Variants in RP1 observed in about 807,000 individuals in gnomAD.
RP1 encodes the protein oxygen-regulated protein 1.
In RP1, 16 loss-of-function variants were observed where a neutral mutation model predicts 14.8. That is an observed-to-expected ratio of 1.08 (90% CI 0.73 to 1.65). The LOEUF is 1.65. Among genes scored for constraint, RP1 ranks in the 40% most tolerant of loss-of-function variants. RP1 has a pLI of 0.00. For missense variants in RP1, 2,631 were observed against 2,535.0 expected (o/e 1.04, Z -0.81); for synonymous variants, 876 against 883.6 (o/e 0.99, Z 0.15).
At chr8:54,581,809 G>C (rs1804798073) in intron 1 of RP1, among the ~76,000 whole-genome samples, 1 of 152,180 alleles carries the variant, frequency 6.6e-6, no homozygotes, top group Admixed American at 6.5e-5. Flanking sequence ...GTCTTCTTTT[G>C]AGAAGTGTCT....
Position 54,625,455 on chromosome 8 carries a change from C to A in RP1, c.1573C>A (p.Gln525Lys). Residue 525 changes from glutamine to lysine, a missense_variant, in exon 4 of 4, where the codon CAA (glutamine) becomes AAA (lysine). Transcript: ENST00000220676. ...PVLVQINNND[Q>K]MEESSLERKK... ...ACTTGTTCAGATCAATAACAATGAT[C>A]AAATGGAGGAGTCATCATTAGAAAG... The A allele has an allele frequency of 6.2e-7, 1 of 1,613,802 alleles. No homozygotes were observed. The highest frequency in any genetic ancestry group is 1.1e-5 in the South Asian group (1 of 91,010).
intron 12 of RP1, among the ~76,000 whole-genome samples, chr8:54,682,385 A>G (rs1195818952): frequency 6.6e-6 from 1 of 151,960 alleles, no homozygotes; most frequent in Non-Finnish European, 1.5e-5. Flanking sequence ...AATTAGTTCA[A>G]CCATTGTGGA....
chr8:54,777,735 T>C (rs1175869079), intron 23 of RP1, among the ~76,000 whole-genome samples: 1 of 152,204 alleles, frequency 6.6e-6, no homozygotes, highest in African/African-American at 2.4e-5. Flanking sequence ...GGAGATAAAA[T>C]TAATAAAAAT....
intron 6 of RP1, among the ~76,000 whole-genome samples, chr8:54,661,654 G>T (rs1010814542): frequency 6.6e-6 from 1 of 152,134 alleles, no homozygotes; most frequent in African/African-American, 2.4e-5. Context: ...TGGAGCTGGT[G>T]TGGGAGGGCA....
At chr8:54,819,324 T>C (rs954932756) in intron 24 of RP1, among the ~76,000 whole-genome samples, 15 of 152,036 alleles carry the variant, frequency 9.9e-5, no homozygotes, top group Non-Finnish European at 4.4e-5. Context: ...ATTATTTCAA[T>C]ATCTTTGTTA....
chr8:54,742,507 T>C (rs182436534), intron 19 of RP1, among the ~76,000 whole-genome samples: 1 of 152,322 alleles, frequency 6.6e-6, no homozygotes, highest in Admixed American at 6.5e-5. Flanking sequence ...GGTAAATATG[T>C]TCCAGTCAGT....
At chr8:54,596,841 A>G (rs1805159677) in intron 1 of RP1, among the ~76,000 whole-genome samples, 1 of 152,138 alleles carries the variant, frequency 6.6e-6, no homozygotes, top group South Asian at 2.1e-4. Context: ...TTGTTATGTT[A>G]TTTTGGGTCC....
chr8:54,817,719 T>C (rs985445599), intron 24 of RP1, among the ~76,000 whole-genome samples: 1 of 152,244 alleles, frequency 6.6e-6, no homozygotes, highest in Non-Finnish European at 1.5e-5. Context: ...ACTTTCTTTT[T>C]GTTAAATGAC....
exon 5 of RP1, chr8:54,652,822 G>T: frequency 1.3e-6 from 2 of 1,535,706 alleles, no homozygotes; most frequent in Admixed American, 2.0e-5. Context: ...GATTCGTATT[G>T]GTCATACCAA....
chr8:54,707,286 G>C (rs1489548034), intron 15 of RP1, among the ~76,000 whole-genome samples: 1 of 152,084 alleles, frequency 6.6e-6, no homozygotes, highest in Non-Finnish European at 1.5e-5. Context: ...ACCATGCCCT[G>C]CTGATTTTTG....
intron 1 of RP1, among the ~76,000 whole-genome samples, chr8:54,604,972 A>G (rs1204944700): frequency 6.6e-6 from 1 of 151,878 alleles, no homozygotes; most frequent in South Asian, 2.1e-4. Context: ...AATTTTGTTG[A>G]TCTTTTCAAA....
At chr8:54,583,729 G>C (rs1298947750) in intron 1 of RP1, among the ~76,000 whole-genome samples, 1 of 152,170 alleles carries the variant, frequency 6.6e-6, no homozygotes. Context: ...TTAGTCTTGG[G>C]AGGGTGTATG....
At chr8:54,799,388 C>CA (rs1307533484) in intron 24 of RP1, among the ~76,000 whole-genome samples, 2 of 151,958 alleles carry the variant, frequency 1.3e-5, no homozygotes, top group Non-Finnish European at 2.9e-5. Flanking sequence ...TCTTTATAGT[C>CA]AATGGGTTTC....
chr8:54,831,445 G>T (rs1585730234), intron 24 of RP1, among the ~76,000 whole-genome samples: 4 of 80,176 alleles, frequency 5.0e-5, no homozygotes, highest in Non-Finnish European at 2.5e-5. Context: ...CTTCTCCTTT[G>T]GCTTATTACC....
chr8:54,820,614 C>G (rs1585720393), intron 24 of RP1, among the ~76,000 whole-genome samples: 1 of 152,120 alleles, frequency 6.6e-6, no homozygotes, highest in South Asian at 2.1e-4. Flanking sequence ...TGTCCCTTCC[C>G]CAAGCACAAG....
intron 24 of RP1, among the ~76,000 whole-genome samples, chr8:54,819,640 G>A (rs866819374): frequency 6.6e-6 from 1 of 152,136 alleles, no homozygotes; most frequent in Admixed American, 6.5e-5. Flanking sequence ...AGGGAATTGA[G>A]TGTTGTGATC....
At chr8:54,613,781 A>T (rs1805650508), upstream of RP1, among the ~76,000 whole-genome samples, 1 of 152,182 alleles carries the variant, frequency 6.6e-6, no homozygotes, top group African/African-American at 2.4e-5. Context: ...TAAACAATAT[A>T]TGCAAAAATC....
At chr8:54,726,469 A>T (rs959837428) in exon 17 of RP1, 2 of 1,527,120 alleles carry the variant, frequency 1.3e-6, no homozygotes, top group African/African-American at 2.8e-5. Context: ...TACCTTCTTC[A>T]ACTGCAAGTA....
At chr8:54,671,016 T>G (rs922487105) in intron 7 of RP1, among the ~76,000 whole-genome samples, 2 of 151,980 alleles carry the variant, frequency 1.3e-5, no homozygotes, top group Non-Finnish European at 2.9e-5. Flanking sequence ...TAGCATTTCT[T>G]GTATTGTAGG....
Sources: allele counts gnomAD v4.1 joint callset (sites outside exome capture counted in the v4.1 genomes callset), GRCh38; gene constraint gnomAD v4.1.1; transcripts MANE v1.5; gene names NCBI Gene and HGNC (gene_info 2026-07-23, HGNC 2026-07-21).